The following GRK1 variants were observed in gnomAD, a reference collection of about 807,000 sequenced individuals.
GRK1 encodes the protein G protein-coupled receptor kinase 1.
In GRK1, 28 loss-of-function variants were observed where a neutral mutation model predicts 41.7. The observed-to-expected ratio is 0.67, with a 90% CI of 0.50 to 0.92. The LOEUF (loss-of-function observed/expected upper bound fraction) is 0.92, where lower values mean the gene tolerates loss of function less well. GRK1 is among the 40% of genes least tolerant of loss of function. The pLI is 0.00. For synonymous variants in GRK1, 327 were observed against 286.7 expected, an observed-to-expected ratio of 1.14 and a Z score of -1.42; for missense variants, 703 against 671.2, an observed-to-expected ratio of 1.05 and a Z score of -0.52.
chr13:113,652,020 C>T, the GRK1 span, among the ~76,000 whole-genome samples: 1 of 152,188 alleles, frequency 6.6e-6, no homozygotes, highest in Non-Finnish European at 1.5e-5. Flanking sequence ...GGTCTTAGCC[C>T]TCGAACCATG....
rs1289276823 is a variant in GRK1 at position 113,735,557 on chromosome 13, C to T, written c.*194C>T. 3.6e-6 allele frequency: 2 copies of T among 552,478 alleles called. No homozygotes were observed. Among genetic ancestry groups the T allele is most frequent in the Non-Finnish European group, 6.1e-6 (2 of 327,634 alleles). The allele number at this position is 552,478 out of a possible 1,614,324, so 34.2% of individuals were successfully genotyped here. A position where few individuals can be genotyped will look rare whatever the true frequency, so the allele number is the denominator to read the frequency against. On this transcript the variant is annotated 3_prime_UTR_variant, in exon 7 of 7. Transcript: ENST00000335678. ...CGGCCTGAGCCGCCAGACGCACATGCTGGTGCCGTGAGCCCCCGACTGCAT... is the reference window on the plus strand; with the variant it reads ...CGGCCTGAGCCGCCAGACGCACATGTTGGTGCCGTGAGCCCCCGACTGCAT...
rs1206693798 is a variant in GRK1, at chr13:113,736,108, G to A, written c.*745G>A. ...CATCTTGGGGTCTCCTTATCTCAGG[G>A]TGTCCAGCTGACGGCAGCTGGTGCA... On this transcript the variant is annotated 3_prime_UTR_variant, in exon 7 of 7. Transcript: ENST00000335678. 3 of 152,304 alleles carry A rather than the reference G, an allele frequency of 2.0e-5. No homozygotes were observed. Among genetic ancestry groups the A allele is most frequent in the Non-Finnish European group, 2.9e-5 (2 of 68,098 alleles). 9.4% of individuals were successfully genotyped at this position (152,304 alleles called of 1,614,324 possible). A position where few individuals can be genotyped will look rare whatever the true frequency, so the allele number is the denominator to read the frequency against.
In GRK1 at chr13:113,732,923, C is replaced by G; in HGVS notation, c.1234C>G (p.Pro412Ala). 6.5e-7 allele frequency: 1 copy of G among 1,536,912 alleles called. No individual in the cohort carries two copies. The highest frequency in any genetic ancestry group is 8.7e-7 in the Non-Finnish European group (1 of 1,146,908). The change falls in exon 6 of 7, where the codon CCC (proline) becomes GCC (alanine). Residue 412 changes from proline (P) to alanine (A), a missense_variant. Transcript: ENST00000335678. ...GCTGAAGCACCGGATCATCTCAGAGCCCGTGAAGTACCCTGATAAGTTCAG... is the reference window on the plus strand; with the variant it reads ...GCTGAAGCACCGGATCATCTCAGAGGCCGTGAAGTACCCTGATAAGTTCAG... The part of the protein sequence containing the change: ...KELKHRIISE[P>A]VKYPDKFSQA...
chr13:113,648,220 A>T, the GRK1 span, among the ~76,000 whole-genome samples: 95 of 152,358 alleles, frequency 6.2e-4, no homozygotes, highest in African/African-American at 2.2e-3. Flanking sequence ...AGCACTGGAG[A>T]TGCTTGGTAC....
rs2049998795 is a variant in GRK1 at position 113,735,632 on chromosome 13, A to C, written c.*269A>C. 2 of 367,048 alleles carry C rather than the reference A, an allele frequency of 5.4e-6. No individual in the cohort carries two copies. Among genetic ancestry groups the C allele is most frequent in the Non-Finnish European group, 4.9e-6 (1 of 204,810 alleles). 22.7% of individuals were successfully genotyped at this position (367,048 alleles called of 1,614,324 possible). On this transcript the variant is annotated 3_prime_UTR_variant, in exon 7 of 7. Transcript: ENST00000335678. ...ACTGAGAAGACATAAGATGCTCTCCAGAGGGAGTAAGCCAAAAATCTACAA... is the reference window on the plus strand; with the variant it reads ...ACTGAGAAGACATAAGATGCTCTCCCGAGGGAGTAAGCCAAAAATCTACAA...
At chr13:113,729,385 T>C (rs1446197744) in intron 4 of GRK1, among the ~76,000 whole-genome samples, 1 of 152,212 alleles carries the variant, frequency 6.6e-6, no homozygotes, top group Non-Finnish European at 1.5e-5. Flanking sequence ...TCAGATACTC[T>C]CGTGGACAGA....
the GRK1 span, chr13:113,654,768 A>G: frequency 4.4e-6 from 7 of 1,598,014 alleles, no homozygotes; most frequent in Non-Finnish European, 6.0e-6. Context: ...AGGAGGCGGC[A>G]GCCTGGCCTG....
chr13:113,651,630 C>G, the GRK1 span: 1 of 1,555,010 alleles, frequency 6.4e-7, no homozygotes, highest in Non-Finnish European at 8.7e-7. Context: ...TGACAAGCTC[C>G]TTTCCTGGGG....
chr13:113,725,372 T>G (rs36167363), intron 4 of GRK1, among the ~76,000 whole-genome samples: 609 of 16,506 alleles, frequency 0.037, 14 homozygotes, highest in African/African-American at 0.18. Flanking sequence ...CTAGTTTGAG[T>G]TCAGGGGCGG....
the GRK1 span, among the ~76,000 whole-genome samples, chr13:113,651,092 C>T: frequency 6.6e-6 from 1 of 152,022 alleles, no homozygotes; most frequent in Non-Finnish European, 1.5e-5. Flanking sequence ...GAGGTTCCCT[C>T]GGACACCCTA....
At chr13:113,657,610 G>GA in the GRK1 span, among the ~76,000 whole-genome samples, 1 of 152,258 alleles carries the variant, frequency 6.6e-6, no homozygotes, top group African/African-American at 2.4e-5. Context: ...GGGTGTCCCG[G>GA]AAAGGGGCTG....
the GRK1 span, chr13:113,652,655 G>A: frequency 3.8e-5 from 25 of 658,234 alleles, no homozygotes; most frequent in South Asian, 1.5e-4. Flanking sequence ...TTAGAGGGCC[G>A]GCTATGTGCT....
the GRK1 span, among the ~76,000 whole-genome samples, chr13:113,661,353 G>C: frequency 6.6e-6 from 1 of 152,006 alleles, no homozygotes; most frequent in African/African-American, 2.4e-5. Context: ...GCAGTATTAA[G>C]AGGAAAATTT....
intron 6 of GRK1, among the ~76,000 whole-genome samples, chr13:113,733,670 CACGTGTGT>C (rs1363707845): frequency 1.3e-4 from 7 of 54,720 alleles, no homozygotes; most frequent in African/African-American, 6.2e-4. Flanking sequence ...TGCGTGTGTG[CACGTGTGT>C]GCATGTATGT....
At chr13:113,649,503 C>G in the GRK1 span, 1 of 1,544,320 alleles carries the variant, frequency 6.5e-7, no homozygotes, top group Non-Finnish European at 8.8e-7. This position sits in a 1 kb window ranked among gnomAD's most constrained non-coding sequence, Gnocchi z 4.7. Context: ...TGTTGAGGAG[C>G]TTCGCTGCCA....
chr13:113,654,918 G>A, the GRK1 span: 3 of 1,614,198 alleles, frequency 1.9e-6, no homozygotes, highest in Non-Finnish European at 2.5e-6. Flanking sequence ...CACGTAGAAG[G>A]CCACGTAGTA....
At chr13:113,724,581 C>G (rs1364563624) in intron 4 of GRK1, among the ~76,000 whole-genome samples, 1 of 152,150 alleles carries the variant, frequency 6.6e-6, no homozygotes, top group African/African-American at 2.4e-5. Flanking sequence ...ACTGTTTCCC[C>G]AAAGTTCTGA....
At chr13:113,670,163 C>T (rs746363084) in intron 2 of GRK1, among the ~76,000 whole-genome samples, 13 of 152,132 alleles carry the variant, frequency 8.5e-5, no homozygotes, top group South Asian at 2.1e-4. Flanking sequence ...TAAATGAAGA[C>T]GAACTTCACC....
chr13:113,729,166 G>A (rs2049915386), intron 4 of GRK1, among the ~76,000 whole-genome samples: 1 of 152,198 alleles, frequency 6.6e-6, no homozygotes, highest in Non-Finnish European at 1.5e-5. Context: ...TGAGCCTGGT[G>A]TGGCTTCCAG....
Sources: allele counts gnomAD v4.1 joint callset (sites outside exome capture counted in the v4.1 genomes callset), GRCh38; gene constraint gnomAD v4.1.1; non-coding constraint Gnocchi (gnomAD v3.1); transcripts MANE v1.5; gene names NCBI Gene and HGNC (gene_info 2026-07-23, HGNC 2026-07-21).